FARS2: variants seen among roughly 807,000 people sequenced by gnomAD.
The protein encoded by FARS2 is phenylalanyl-tRNA synthetase 2, mitochondrial.
A neutral mutation model predicts 46.4 loss-of-function variants in FARS2; 40 were observed. That is an observed-to-expected ratio of 0.86 (90% CI 0.67 to 1.12). The LOEUF is 1.12. Ranked by LOEUF, FARS2 falls within the 50% of genes most tolerant of loss-of-function variation. FARS2 has a pLI of 0.00. For synonymous variants in FARS2, 234 were observed against 214.9 expected, an observed-to-expected ratio of 1.09 and a Z score of -0.78; for missense variants, 513 against 567.9, an observed-to-expected ratio of 0.90 and a Z score of 0.98.
intron 6 of FARS2, among the ~76,000 whole-genome samples, chr6:5,739,983 T>C (rs1761229030): frequency 6.6e-6 from 1 of 152,238 alleles, no homozygotes; most frequent in Admixed American, 6.5e-5. Flanking sequence ...AAAGCAATTA[T>C]GGCTTAGAAA....
chr6:5,299,477 G>A (rs1257164283), intron 1 of FARS2, among the ~76,000 whole-genome samples: 1 of 152,170 alleles, frequency 6.6e-6, no homozygotes, highest in Non-Finnish European at 1.5e-5. Context: ...TTCTATAACA[G>A]CAATGGCTGT....
At chr6:5,329,752 A>T (rs1770665310) in intron 1 of FARS2, among the ~76,000 whole-genome samples, 1 of 152,214 alleles carries the variant, frequency 6.6e-6, no homozygotes, top group Non-Finnish European at 1.5e-5. Context: ...ACAACCCAGG[A>T]GGAGATACAC....
intron 1 of FARS2, among the ~76,000 whole-genome samples, chr6:5,296,093 G>A (rs377685488): frequency 1.1e-4 from 16 of 148,580 alleles, no homozygotes; most frequent in Non-Finnish European, 1.5e-4. Flanking sequence ...TTTTAATTGC[G>A]GTGAAATGTA....
At chr6:5,767,345 C>G (rs568410610) in intron 6 of FARS2, among the ~76,000 whole-genome samples, 1 of 152,152 alleles carries the variant, frequency 6.6e-6, no homozygotes. Flanking sequence ...CATGAGCCAC[C>G]GCGCCCGGCC....
At chr6:5,383,345 T>G (rs1198114617) in intron 2 of FARS2, among the ~76,000 whole-genome samples, 1 of 152,264 alleles carries the variant, frequency 6.6e-6, no homozygotes, top group African/African-American at 2.4e-5. Flanking sequence ...CTGGAACTTT[T>G]GGCCGCTGGC....
chr6:5,376,481 GA>G (rs1759389417), intron 2 of FARS2, among the ~76,000 whole-genome samples: 1 of 152,072 alleles, frequency 6.6e-6, no homozygotes, highest in Non-Finnish European at 1.5e-5. Context: ...AGTTTCCAAT[GA>G]AAACAAAAAT....
At chr6:5,483,826 C>G (rs1766618619) in intron 4 of FARS2, among the ~76,000 whole-genome samples, 1 of 151,972 alleles carries the variant, frequency 6.6e-6, no homozygotes, top group Non-Finnish European at 1.5e-5. Context: ...CAAAGACAAC[C>G]AGAGCTTGTG....
intron 6 of FARS2, among the ~76,000 whole-genome samples, chr6:5,692,174 C>T (rs569560346): frequency 2.4e-4 from 37 of 152,304 alleles, no homozygotes; most frequent in Admixed American, 1.3e-4. Flanking sequence ...GGCTCATGCT[C>T]GGTGCGCTGC....
intron 6 of FARS2, among the ~76,000 whole-genome samples, chr6:5,725,228 C>T (rs192383420): frequency 6.3e-4 from 96 of 152,168 alleles, no homozygotes; most frequent in Middle Eastern, 3.4e-3. Context: ...TTGGGGATGG[C>T]GTGATGACTT....
At chr6:5,269,892 A>G (rs1165893605) in intron 1 of FARS2, among the ~76,000 whole-genome samples, 4 of 152,236 alleles carry the variant, frequency 2.6e-5, no homozygotes, top group Admixed American at 6.5e-5. Flanking sequence ...TTAATATTTT[A>G]TAACGTTTTA....
At position 5,433,856 on chromosome 6, in the gene FARS2, A is replaced by G. The variant is rs577944308; in HGVS notation, c.904+2684A>G. Reference sequence around the variant, plus strand: ...ATTGCGCTTCCTTGCACGGTTTCCAATATCCTTGATGGGTTTTTATGAGGT... The same window carrying G: ...ATTGCGCTTCCTTGCACGGTTTCCAGTATCCTTGATGGGTTTTTATGAGGT... On this transcript the variant is annotated intron_variant, in intron 4 of 6. Coordinates refer to ENST00000274680, the MANE Select transcript of FARS2 (RefSeq NM_006567.5). 5.9e-5 allele frequency among the ~76,000 whole-genome samples: 9 copies of G among 152,330 alleles called. 1 individual carries two copies. In the East Asian group the frequency reaches 7.7e-4, roughly 13 times the overall value.
At chr6:5,571,355 GCTTA>G (rs1166473106) in intron 5 of FARS2, among the ~76,000 whole-genome samples, 1 of 152,166 alleles carries the variant, frequency 6.6e-6, no homozygotes, top group Non-Finnish European at 1.5e-5. Flanking sequence ...TGATTTAGAT[GCTTA>G]CTTAACTATT....
intron 6 of FARS2, among the ~76,000 whole-genome samples, chr6:5,709,730 T>TG (rs1554128003): frequency 7.2e-5 from 7 of 96,654 alleles, no homozygotes; most frequent in African/African-American, 2.2e-4. Flanking sequence ...GGGGGTGGGG[T>TG]TGTGTGTGTG....
chr6:5,609,874 A>G (rs1319615679), intron 5 of FARS2: 5 of 996,380 alleles, frequency 5.0e-6, no homozygotes, highest in Admixed American at 3.4e-5. Context: ...AATGCCACCA[A>G]CAAATGCCTT....
At chr6:5,589,749 A>C (rs930064159) in intron 5 of FARS2, among the ~76,000 whole-genome samples, 1 of 152,244 alleles carries the variant, frequency 6.6e-6, no homozygotes, top group African/African-American at 2.4e-5. Flanking sequence ...TAAGTGCTGA[A>C]TATATAACCT....
At chr6:5,542,108 A>G (rs1449943936) in intron 4 of FARS2, among the ~76,000 whole-genome samples, 1 of 152,056 alleles carries the variant, frequency 6.6e-6, no homozygotes, top group African/African-American at 2.4e-5. Context: ...CTTCTTTACC[A>G]TATCCTGTTT....
At chr6:5,456,867 C>T (rs1401461597) in intron 4 of FARS2, 1 of 151,980 alleles carries the variant, frequency 6.6e-6, no homozygotes, top group African/African-American at 2.4e-5. Context: ...AAACCGTCCA[C>T]AGAAGGAAAG....
At chr6:5,519,046 T>TATA (rs1421785933) in intron 4 of FARS2, among the ~76,000 whole-genome samples, 4 of 152,180 alleles carry the variant, frequency 2.6e-5, no homozygotes, top group African/African-American at 9.7e-5. Context: ...AAAATATTGA[T>TATA]ATAATACTTG....
At chr6:5,390,503 C>G (rs147459105) in intron 2 of FARS2, among the ~76,000 whole-genome samples, 1 of 152,304 alleles carries the variant, frequency 6.6e-6, no homozygotes, top group East Asian at 1.9e-4. Context: ...TATGACACAT[C>G]ATCTTTCAGA....
Sources: allele counts gnomAD v4.1 joint callset (sites outside exome capture counted in the v4.1 genomes callset), GRCh38; gene constraint gnomAD v4.1.1; transcripts MANE v1.5; gene names NCBI Gene and HGNC (gene_info 2026-07-23, HGNC 2026-07-21).